Variants in SPRY3 observed in about 807,000 individuals in gnomAD.
SPRY3 encodes protein sprouty homolog 3.
SPRY3 carries 15 observed loss-of-function variants against 20.2 expected under a neutral mutation model. The ratio of observed to expected loss-of-function variants is 0.74; its 90% CI spans 0.50 to 1.14. The LOEUF (loss-of-function observed/expected upper bound fraction) is 1.14. Among genes scored for constraint, SPRY3 ranks in the 50% most tolerant of loss-of-function variants. The probability of loss-of-function intolerance (pLI) is 0.00; values close to 1 mark genes in which losing one functional copy is unlikely to be tolerated. For synonymous variants in SPRY3, 143 were observed against 136.5 expected (o/e 1.05, Z -0.33); for missense variants, 364 against 363.9 (o/e 1.00, Z 0.00).
At chrX:155,748,929 C>G (rs2124580367) in intron 2 of SPRY3, among the ~76,000 whole-genome samples, 1 of 151,878 alleles carries the variant, frequency 6.6e-6, no homozygotes, top group South Asian at 2.1e-4. Flanking sequence ...CGAGAATCAT[C>G]AAATTGAGTG....
At chrX:155,685,412 T>C (rs2068084579) in intron 2 of SPRY3, among the ~76,000 whole-genome samples, 1 of 110,777 alleles carries the variant, frequency 9.0e-6, no homozygotes, top group Non-Finnish European at 1.9e-5. Context: ...TCTTTTTTTT[T>C]TTTTTAGCTT....
At chrX:155,615,979 A>C (rs1176163645) in intron 1 of SPRY3, among the ~76,000 whole-genome samples, 2 of 111,030 alleles carry the variant, frequency 1.8e-5, no homozygotes, top group Non-Finnish European at 3.8e-5. Flanking sequence ...GGATTAGAAC[A>C]ATCAAAACTT....
chrX:155,741,541 A>T (rs981321088), intron 2 of SPRY3, among the ~76,000 whole-genome samples: 7 of 152,140 alleles, frequency 4.6e-5, no homozygotes, highest in Admixed American at 3.3e-4. Context: ...AAACCCCAAG[A>T]CACATAATCA....
At chrX:155,718,232 A>C (rs2091034785) in intron 2 of SPRY3, among the ~76,000 whole-genome samples, 1 of 152,278 alleles carries the variant, frequency 6.6e-6, no homozygotes, top group African/African-American at 2.4e-5. Context: ...ATGATCTAAA[A>C]AGTTTTTAAA....
intron 1 of SPRY3, among the ~76,000 whole-genome samples, chrX:155,613,881 C>A (rs2124514441): frequency 9.0e-6 from 1 of 111,596 alleles, no homozygotes; most frequent in East Asian, 2.8e-4. Context: ...ATTATAATTT[C>A]TCTTTCTGCA....
chrX:155,674,641 G>C (rs1402325888), intron 2 of SPRY3, among the ~76,000 whole-genome samples: 2 of 111,120 alleles, frequency 1.8e-5, no homozygotes, highest in African/African-American at 6.5e-5. Context: ...TGAGGACTGA[G>C]ATTTTACCAA....
chrX:155,678,925 A>G (rs1006347531), intron 2 of SPRY3, among the ~76,000 whole-genome samples: 10 of 111,462 alleles, frequency 9.0e-5, no homozygotes, highest in African/African-American at 3.3e-4. Flanking sequence ...TTGAGCTCCT[A>G]CTCTGTACCA....
rs758431668 is a variant in SPRY3 at position 155,691,297 on chromosome X, G to A, written c.-282+34272G>A. Among the ~76,000 whole-genome samples the A allele has an allele frequency of 6.5e-4, 57 of 87,665 alleles. 15 individuals are homozygous for A. Among genetic ancestry groups the A allele is most frequent in the African/African-American group, 3.1e-3 (57 of 18,303 alleles). The allele number at this position is 87,665 out of a possible 115,157, so 76.1% of individuals were successfully genotyped here. A position where few individuals can be genotyped will look rare whatever the true frequency, so the allele number is the denominator to read the frequency against. On this transcript the variant is annotated intron_variant, in intron 2 of 3. Transcript: ENST00000675360. ...AACAAAAGGCATTATTCTATTTATA[G>A]CATTCTGTTTTTAGTGGTGGTATTT...
At chrX:155,704,364 G>A (rs766506827) in intron 2 of SPRY3, among the ~76,000 whole-genome samples, 2 of 151,730 alleles carry the variant, frequency 1.3e-5, no homozygotes, top group East Asian at 1.9e-4. Flanking sequence ...CAAAATAACG[G>A]AGATGAAGAA....
chrX:155,774,232 G>C lies in SPRY3; in HGVS notation c.361G>C (p.Val121Leu), dbSNP rs2091405472. 1.2e-6 allele frequency: 2 copies of C among 1,613,886 alleles called. 1 individual carries two copies. Among genetic ancestry groups the C allele is most frequent in the South Asian group, 2.2e-5 (2 of 91,074 alleles). ...CATCCGAACCCAACCTGGAGCAGGGGTCCACCCAAAGGCTGATGGTGCTCT... is the reference window on the plus strand; with the variant it reads ...CATCCGAACCCAACCTGGAGCAGGGCTCCACCCAAAGGCTGATGGTGCTCT... Residue 121 changes from valine (V) to leucine (L), a missense_variant, in exon 4 of 4, where the codon GTC becomes CTC. Physicochemically the swap from Val to Leu is conservative, Grantham distance 32. Coordinates refer to ENST00000675360, the Ensembl canonical transcript of SPRY3.
rs148225436 is a variant in SPRY3, at chrX:155,774,048, T to C, written c.177T>C (p.Pro59=). 2,031 of 1,614,028 alleles carry C rather than the reference T, an allele frequency of 1.3e-3. 3 individuals are homozygous for C. Among genetic ancestry groups the C allele is most frequent in the Non-Finnish European group, 1.4e-3 (1,653 of 1,179,866 alleles). Reference sequence around the variant, plus strand: ...CTGATTGGTCTCTGGCTACCATGCCTACTTCTCTCCCCCGCAGTCTCAGCC... The same window carrying C: ...CTGATTGGTCTCTGGCTACCATGCCCACTTCTCTCCCCCGCAGTCTCAGCC... Residue 59 remains proline (P), a synonymous_variant, in exon 4 of 4, where the codon CCT becomes CCC. Coordinates refer to ENST00000675360, the Ensembl canonical transcript of SPRY3.
At chrX:155,676,065 AT>A (rs1208557823) in intron 2 of SPRY3, among the ~76,000 whole-genome samples, 9 of 108,701 alleles carry the variant, frequency 8.3e-5, no homozygotes, top group South Asian at 4.0e-4. Context: ...AATTTCTCTT[AT>A]TTTTTTTTGA....
rs141894948 is a variant in SPRY3, at chrX:155,771,122, C to T, written c.-106-2644C>T. Among the ~76,000 whole-genome samples the T allele has an allele frequency of 1.7e-3, 264 of 152,126 alleles. 3 individuals carry two copies. The highest frequency in any genetic ancestry group is 0.014 in the Admixed American group (209 of 15,274). ...TCATTATTTCAGACTGAAATAATGC[C>T]CACAGCTTCTTTTAATCATCCAACC... is the stretch of plus-strand genomic sequence containing the variant. On this transcript the variant is annotated intron_variant, in intron 3 of 3. Transcript: ENST00000675360.
intron 2 of SPRY3, among the ~76,000 whole-genome samples, chrX:155,692,395 A>C (rs1373203864): frequency 9.0e-6 from 1 of 111,534 alleles, no homozygotes; most frequent in South Asian, 3.7e-4. Context: ...AGTGACCTAT[A>C]TGTCTATGCT....
At chrX:155,617,925 C>T (rs917589241) in intron 1 of SPRY3, among the ~76,000 whole-genome samples, 11 of 111,868 alleles carry the variant, frequency 9.8e-5, no homozygotes, top group African/African-American at 1.6e-4. Context: ...AGGGAGACCT[C>T]GTGTACCCTT....
intron 2 of SPRY3, among the ~76,000 whole-genome samples, chrX:155,707,409 C>T (rs760440124): frequency 1.3e-5 from 2 of 151,246 alleles, no homozygotes; most frequent in East Asian, 3.9e-4. Flanking sequence ...ATGGTCTATA[C>T]CGTAGAATGT....
intron 1 of SPRY3, among the ~76,000 whole-genome samples, chrX:155,615,282 T>G (rs1394723883): frequency 8.9e-6 from 1 of 112,749 alleles, no homozygotes; most frequent in East Asian, 2.8e-4. Flanking sequence ...CACCATCTCT[T>G]GCATGGACTA....
chrX:155,739,818 C>G (rs1276659016), intron 2 of SPRY3, among the ~76,000 whole-genome samples: 1 of 152,126 alleles, frequency 6.6e-6, no homozygotes, highest in Non-Finnish European at 1.5e-5. Flanking sequence ...CATTCAAAGG[C>G]CAGCAACCTC....
intron 2 of SPRY3, among the ~76,000 whole-genome samples, chrX:155,717,173 T>G (rs892882484): frequency 3.4e-5 from 5 of 148,722 alleles, no homozygotes; most frequent in African/African-American, 1.2e-4. Context: ...AAAAAAGATA[T>G]CATCAACTTT....
Sources: allele counts gnomAD v4.1 joint callset (sites outside exome capture counted in the v4.1 genomes callset), GRCh38; gene constraint gnomAD v4.1.1; transcripts MANE v1.5; gene names NCBI Gene and HGNC (gene_info 2026-07-23, HGNC 2026-07-21).